The following UMODL1 variants were observed in gnomAD, a reference collection of about 807,000 sequenced individuals.
The protein encoded by UMODL1 is uromodulin-like 1.
A neutral mutation model predicts 136.3 loss-of-function variants in UMODL1; 128 were observed. That is an observed-to-expected ratio of 0.94 (90% CI 0.81 to 1.09). The LOEUF (loss-of-function observed/expected upper bound fraction) is 1.09, where lower values mean the gene tolerates loss of function less well. Among genes scored for constraint, UMODL1 ranks in the 50% least tolerant of loss-of-function variants. The pLI, the probability that UMODL1 is intolerant of heterozygous loss-of-function variation, is 0.00. For synonymous variants in UMODL1, 721 were observed against 720.0 expected (o/e 1.00, Z -0.02); for missense variants, 1,766 against 1,725.6 (o/e 1.02, Z -0.41).
intron 14 of UMODL1, among the ~76,000 whole-genome samples, chr21:42,116,945 G>A (rs780456981): frequency 6.6e-5 from 10 of 152,062 alleles, no homozygotes; most frequent in Non-Finnish European, 1.2e-4. Flanking sequence ...ATGTGGTGGC[G>A]GGTGCCTGTA....
intron 9 of UMODL1, among the ~76,000 whole-genome samples, chr21:42,107,174 G>A (rs1201623968): frequency 6.6e-6 from 1 of 152,162 alleles, no homozygotes; most frequent in Non-Finnish European, 1.5e-5. Context: ...CTGCTCTCAG[G>A]AGAGATTCTC....
chr21:42,130,966 G>A lies in UMODL1; in HGVS notation c.3775+1169G>A, dbSNP rs549948558. Among the ~76,000 whole-genome samples, 343 of 152,090 alleles carry A rather than the reference G, an allele frequency of 2.3e-3. 3 individuals carry two copies. The highest frequency in any genetic ancestry group is 7.9e-3 in the South Asian group (38 of 4,806). On this transcript the variant is annotated intron_variant, in intron 21 of 22. Coordinates refer to ENST00000408910, the MANE Select transcript of UMODL1 (RefSeq NM_001004416.3). ...GTAACAGGGACTATGGGCACCCACC[G>A]CCACGCCCGGCTAATTTTTTGTATC...
intron 9 of UMODL1, chr21:42,108,219 C>T (rs2066751017): frequency 4.3e-6 from 2 of 462,458 alleles, no homozygotes; most frequent in South Asian, 1.6e-5. Flanking sequence ...TGCCTGGTGC[C>T]TCTGCTGTCC....
Position 42,117,309 on chromosome 21 carries a change from C to T in UMODL1, c.2475+1324C>T, listed in dbSNP as rs538707370. On this transcript the variant is annotated intron_variant, in intron 14 of 22. Coordinates refer to ENST00000408910, the MANE Select transcript of UMODL1 (RefSeq NM_001004416.3). ...TTCCTTGTTATGGCTGGGGCATAAC[C>T]CATGCAGTCTCATCCATTCATTCAC... Among the ~76,000 whole-genome samples, 10 of 152,302 alleles carry T rather than the reference C, an allele frequency of 6.6e-5. No homozygotes were observed. The South Asian group carries it at 2.1e-3, about 32-fold the overall frequency.
upstream of UMODL1, among the ~76,000 whole-genome samples, chr21:42,068,296 C>T (rs1054121202): frequency 6.6e-6 from 1 of 152,196 alleles, no homozygotes; most frequent in African/African-American, 2.4e-5. This position sits in a 1 kb window ranked among gnomAD's most constrained non-coding sequence, Gnocchi z 5.5. Flanking sequence ...GGGGCCTATC[C>T]TCCAGTGCCT....
At chr21:42,110,207 G>T (rs1345634504) in intron 10 of UMODL1, among the ~76,000 whole-genome samples, 2 of 152,216 alleles carry the variant, frequency 1.3e-5, no homozygotes, top group East Asian at 1.9e-4. Context: ...TGATGAGTGG[G>T]TCGGGGATAC....
rs71320510 is a variant in UMODL1 at position 42,113,421 on chromosome 21, C to T, written c.2105-152C>T. 3,966 of 916,514 alleles carry T rather than the reference C, an allele frequency of 4.3e-3. 13 individuals carry two copies. Among genetic ancestry groups the T allele is most frequent in the Non-Finnish European group, 5.6e-3 (3,458 of 622,722 alleles). The allele number at this position is 916,514 out of a possible 1,614,324, so 56.8% of individuals were successfully genotyped here. A position where few individuals can be genotyped will look rare whatever the true frequency, so the allele number is the denominator to read the frequency against. On this transcript the variant is annotated intron_variant, in intron 12 of 22. Transcript: ENST00000408910. ...GAAGCCCGGGCTTGGGAGGTTTGTA[C>T]AGGATCCTACTCACCCATCACCTCG...
At chr21:42,094,236 C>T (rs1231263976) in intron 6 of UMODL1, among the ~76,000 whole-genome samples, 1 of 152,216 alleles carries the variant, frequency 6.6e-6, no homozygotes, top group Non-Finnish European at 1.5e-5. Flanking sequence ...TAGGGCAGGA[C>T]ACACTAATCC....
chr21:42,077,758 G>C (rs1406708194), intron 2 of UMODL1, among the ~76,000 whole-genome samples: 1 of 152,202 alleles, frequency 6.6e-6, no homozygotes, highest in Admixed American at 6.5e-5. Context: ...TTAGCTAAGG[G>C]AGAGTCCATT....
At chr21:42,077,395 C>T (rs1251142241) in intron 2 of UMODL1, among the ~76,000 whole-genome samples, 1 of 151,950 alleles carries the variant, frequency 6.6e-6, no homozygotes, top group Non-Finnish European at 1.5e-5. Context: ...AAAATTCTCT[C>T]AGCCCCGAAG....
At chr21:42,067,972 G>A (rs541320788), upstream of UMODL1, among the ~76,000 whole-genome samples, 5 of 152,338 alleles carry the variant, frequency 3.3e-5, no homozygotes, top group African/African-American at 1.2e-4. Context: ...ACGAGGGCAC[G>A]TGTCTGTGTG....
intron 17 of UMODL1, among the ~76,000 whole-genome samples, chr21:42,125,844 A>G (rs1363031728): frequency 6.6e-6 from 1 of 152,186 alleles, no homozygotes; most frequent in Non-Finnish European, 1.5e-5. Context: ...CCACCCACAC[A>G]GCGGCAGCTC....
intron 1 of UMODL1, 74 bp downstream of exon 1, chr21:42,071,466 C>A (rs1025967234): frequency 7.2e-7 from 1 of 1,389,416 alleles, no homozygotes; most frequent in South Asian, 1.7e-5. Context: ...TGAGGACAGC[C>A]CCCTGTGGAG....
At position 42,110,014 on chromosome 21, in the gene UMODL1, C is replaced by T. The variant is rs369624841; in HGVS notation, c.1657+315C>T. Among the ~76,000 whole-genome samples the T allele has an allele frequency of 9.9e-5, 15 of 152,176 alleles. 3 individuals carry two copies. The highest frequency in any genetic ancestry group is 2.0e-4 in the Admixed American group (3 of 15,298). On this transcript the variant is annotated intron_variant, in intron 10 of 22. Coordinates refer to ENST00000408910, the MANE Select transcript of UMODL1 (RefSeq NM_001004416.3). ...CCATGAAGGCCAAGTTCCTTGGGCC[C>T]ACAGAAGTCAGGATGCAGCCCGGGG...
intron 21 of UMODL1, among the ~76,000 whole-genome samples, chr21:42,131,449 T>TCTTGGCCAGTGA (rs2067132956): frequency 4.3e-5 from 1 of 23,116 alleles, no homozygotes; most frequent in African/African-American, 9.6e-5. Flanking sequence ...AGGAGGGAGG[T>TCTTGGCCAGTGA]CTCAGCCATG....
At position 42,088,394 on chromosome 21, in the gene UMODL1, C is replaced by A; in HGVS notation, c.704C>A (p.Pro235Gln). Residue 235 changes from proline to glutamine, a missense_variant, in exon 5 of 23, where the codon CCA becomes CAA. Transcript: ENST00000408910. ...GTGTCGCGGCTGCTACTGGGCCTGCCACGGCCACTGCCTGTGGCTGACGTC... is the reference window on the plus strand; with the variant it reads ...GTGTCGCGGCTGCTACTGGGCCTGCAACGGCCACTGCCTGTGGCTGACGTC... ...TTVSRLLLGL[P>Q]RPLPVADVST... 1.2e-6 allele frequency: 2 copies of A among 1,614,038 alleles called. No individual in the cohort carries two copies. Among genetic ancestry groups the A allele is most frequent in the Non-Finnish European group, 1.7e-6 (2 of 1,180,008 alleles).
chr21:42,077,584 G>A (rs1601177917), intron 2 of UMODL1, among the ~76,000 whole-genome samples: 1 of 152,268 alleles, frequency 6.6e-6, no homozygotes, highest in South Asian at 2.1e-4. Context: ...GAGGCTTTGG[G>A]CGTTATCAAT....
At chr21:42,121,358 T>C in intron 16 of UMODL1, 134 bp downstream of exon 16, 1 of 1,039,960 alleles carries the variant, frequency 9.6e-7, no homozygotes, top group Non-Finnish European at 1.4e-6. Flanking sequence ...CTGTGTGTGA[T>C]GTGGGTGCAC....
chr21:42,091,165 T>C (rs1221893467), intron 6 of UMODL1, among the ~76,000 whole-genome samples: 2 of 152,238 alleles, frequency 1.3e-5, no homozygotes, highest in Non-Finnish European at 2.9e-5. Context: ...TGCTATTCAC[T>C]GTGCTAGGTG....
Sources: gnomAD v4.1 joint callset for allele counts (sites outside exome capture counted in the v4.1 genomes callset) on GRCh38, gnomAD v4.1.1 for gene constraint, Gnocchi (gnomAD v3.1) non-coding constraint, MANE v1.5 for transcripts, NCBI Gene and HGNC (gene_info 2026-07-23, HGNC 2026-07-21) for gene names.